The following ARAF variants were observed in gnomAD, a reference collection of about 807,000 sequenced individuals.
The protein encoded by ARAF is serine/threonine-protein kinase A-Raf.
Under a neutral mutation model 48.0 loss-of-function variants are expected in ARAF, and 18 were observed. That is an observed-to-expected ratio of 0.37 (90% confidence interval 0.26 to 0.56). ARAF has a LOEUF of 0.56. Among genes scored for constraint, ARAF ranks in the 20% least tolerant of loss-of-function variants. ARAF has a pLI of 0.77. For synonymous variants in ARAF, 207 were observed against 220.1 expected (o/e 0.94, Z 0.53); for missense variants, 389 against 543.1 (o/e 0.72, Z 2.82).
chrX:47,567,987 A>T (rs1422947168), intron 10 of ARAF, among the ~76,000 whole-genome samples: 1 of 111,706 alleles, frequency 9.0e-6, no homozygotes, highest in Non-Finnish European at 1.9e-5. Flanking sequence ...ACTATGTAGC[A>T]TAGTACTGTA....
rs779537585 is a variant in ARAF, at chrX:47,563,190, G to A, written c.97-36G>A. On this transcript the variant is annotated intron_variant, in intron 2 of 15. Transcript: ENST00000377045. The stretch of plus-strand genomic sequence containing the variant: ...GGGAACATCAGCTGCGCTTCTGTTG[G>A]GCATTGAGGACCCCTACATCTGCAC... 1.8e-5 allele frequency: 21 copies of A among 1,174,200 alleles called. No individual in the cohort carries two copies. The Admixed American group carries it at 3.4e-4, about 19-fold the overall frequency.
At position 47,568,705 on chromosome X, in the gene ARAF, T is replaced by A; in HGVS notation, c.1077-13T>A. 5 of 1,208,252 alleles carry A rather than the reference T, an allele frequency of 4.1e-6. No individual in the cohort carries two copies. Among genetic ancestry groups the A allele is most frequent in the Non-Finnish European group, 5.6e-6 (5 of 892,669 alleles). Reference sequence around the variant, plus strand: ...TTCCTCCCCACCTCTGACACTGCCCTCCCTGCCTGCAGGAAGACGCGACAT... The same window carrying A: ...TTCCTCCCCACCTCTGACACTGCCCACCCTGCCTGCAGGAAGACGCGACAT... On this transcript the variant is annotated splice_polypyrimidine_tract_variant and intron_variant, in intron 10 of 15. Transcript: ENST00000377045.
At chrX:47,564,773 C>T (rs1237103482) in intron 3 of ARAF, 24 bp from the exon 4 acceptor site, 3 of 1,160,666 alleles carry the variant, frequency 2.6e-6, no homozygotes, top group Non-Finnish European at 3.5e-6. Context: ...ACCTCCCACT[C>T]ATTCCTTTCC....
chrX:47,564,916 C>T lies in ARAF; in HGVS notation c.303+17C>T, dbSNP rs370026622. 1.5e-5 allele frequency: 18 copies of T among 1,208,229 alleles called. No homozygotes were observed. The highest frequency in any genetic ancestry group is 7.0e-5 in the South Asian group (4 of 56,791). On this transcript the variant is annotated intron_variant, in intron 4 of 15. Transcript: ENST00000377045. ...CACAATTTTGTGAGTGCAGGGTGGA[C>T]GGTGGGGGTGGACCATGGTTGGGGG...
Position 47,569,563 on chromosome X carries a change from C to T in ARAF, c.1325C>T (p.Thr442Met). The T allele has an allele frequency of 8.3e-7, 1 of 1,207,150 alleles. No homozygotes were observed. Among genetic ancestry groups the T allele is most frequent in the East Asian group, 3.0e-5 (1 of 33,709 alleles). Residue 442 changes from threonine to methionine, a missense_variant, in exon 13 of 16, where the codon ACG becomes ATG. Physicochemically the swap from Thr to Met is moderately conservative, Grantham distance 81. Coordinates refer to ENST00000377045, the MANE Select transcript of ARAF (RefSeq NM_001654.5). ...GACATCTTCCTACATGAGGGGCTCA[C>T]GGTGAAGATCGGTGACTTTGGCTTG... ...SNNIFLHEGLTVKIGDFGLAT... is the reference protein window; with the variant it reads ...SNNIFLHEGLMVKIGDFGLAT...
Position 47,567,445 on chromosome X carries a change from G to T in ARAF, c.1076+13G>T, listed in dbSNP as rs372151497. 8.4e-7 allele frequency: 1 copy of T among 1,193,650 alleles called. No homozygotes were observed. Among genetic ancestry groups the T allele is most frequent in the Admixed American group, 2.3e-5 (1 of 43,626 alleles). On this transcript the variant is annotated intron_variant, in intron 10 of 15. Transcript: ENST00000377045. ...TGCAGGTGCTCAGGTGAGGTGGCAT[G>T]TGTGCGTGGATGGGGGTGGCAGGCC...
intron 2 of ARAF, 61 bp from the exon 3 acceptor site, chrX:47,563,165 G>A: frequency 2.6e-6 from 3 of 1,157,647 alleles, no homozygotes; most frequent in Non-Finnish European, 3.5e-6. Flanking sequence ...GCAGAAGGAT[G>A]GGAACATCAG....
At chrX:47,569,065 G>A in intron 12 of ARAF, 32 bp downstream of exon 12, 1 of 1,179,713 alleles carries the variant, frequency 8.5e-7, no homozygotes, top group Non-Finnish European at 1.1e-6. Context: ...GGGGTTGAGT[G>A]GGGGTGTCAA....
chrX:47,562,773 T>G, intron 1 of ARAF, 136 bp from the exon 2 acceptor site: 1 of 408,334 alleles, frequency 2.4e-6, no homozygotes, highest in Non-Finnish European at 4.3e-6. Context: ...GTGAGCAGGA[T>G]CTCTTGGACT....
chrX:47,561,493 T>A (rs974251922), intron 1 of ARAF, among the ~76,000 whole-genome samples: 2 of 112,023 alleles, frequency 1.8e-5, no homozygotes, highest in South Asian at 7.5e-4. Context: ...GTGGTGCGCC[T>A]GCGCAGAGCC....
At chrX:47,562,778 T>C in intron 1 of ARAF, 131 bp from the exon 2 acceptor site, 1 of 420,199 alleles carries the variant, frequency 2.4e-6, no homozygotes, top group East Asian at 3.9e-5. Flanking sequence ...CAGGATCTCT[T>C]GGACTGTCGT....
rs1247568531 is a variant in ARAF at position 47,565,540 on chromosome X, T to C, written c.557+190T>C. The C allele has an allele frequency of 6.1e-6, 4 of 652,820 alleles. No homozygotes were observed. In the African/African-American group the frequency reaches 9.0e-5, roughly 15 times the overall value. The allele number at this position is 652,820 out of a possible 1,213,427, so 53.8% of individuals were successfully genotyped here. On this transcript the variant is annotated intron_variant, in intron 6 of 15. Coordinates refer to ENST00000377045, the MANE Select transcript of ARAF (RefSeq NM_001654.5). ...TTCTCTGGGCCTCAGTTTTCTCATC[T>C]GTAAAGAGGGGATGATGATACTTTC...
intron 1 of ARAF, among the ~76,000 whole-genome samples, chrX:47,561,462 T>C (rs1358314329): frequency 8.9e-6 from 1 of 111,732 alleles, no homozygotes; most frequent in Non-Finnish European, 1.9e-5. Context: ...CTGCGGGTGA[T>C]GGTTTCGCCC....
intron 14 of ARAF, 184 bp downstream of exon 14, chrX:47,570,208 C>T: frequency 1.0e-5 from 5 of 489,595 alleles, no homozygotes; most frequent in Non-Finnish European, 9.7e-6. Context: ...CTGGGTCTCC[C>T]CTACCCCAAC....
rs749214520 is a variant in ARAF, at chrX:47,571,277, G to GC, written c.1687-43dup. The GC allele has an allele frequency of 3.4e-6, 4 of 1,176,261 alleles. No individual in the cohort carries two copies. In the Admixed American group the frequency reaches 9.2e-5, roughly 27 times the overall value. On this transcript the variant is annotated intron_variant, in intron 15 of 15. Transcript: ENST00000377045. ...GCCATGAGGCTGGGGCTGTTGGGAT[G>GC]CCCACAGGGCTCTGGACACCCCTCC... is the stretch of plus-strand genomic sequence containing the variant.
chrX:47,568,850 G>A lies in ARAF; in HGVS notation c.1209G>A (p.Met403Ile), dbSNP rs760360817. The A allele has an allele frequency of 3.3e-6, 4 of 1,208,835 alleles. No homozygotes were observed. Among genetic ancestry groups the A allele is most frequent in the Admixed American group, 2.2e-5 (1 of 45,755 alleles). The change falls in exon 11 of 16, where the codon ATG becomes ATA. Residue 403 changes from methionine to isoleucine, a missense_variant. By Grantham distance (10) the Met-to-Ile change is conservative. Coordinates refer to ENST00000377045, the MANE Select transcript of ARAF (RefSeq NM_001654.5). The part of the protein sequence containing the change: ...HLHVADTRFD[M>I]VQLIDVARQT... ...ATGTGGCCGACACACGCTTCGACAT[G>A]GTCCAGCTCATCGACGTGGCCCGGC...
At chrX:47,569,863 G>T in intron 13 of ARAF, 30 bp from the exon 14 acceptor site, 3 of 1,199,779 alleles carry the variant, frequency 2.5e-6, no homozygotes, top group Non-Finnish European at 3.4e-6. Flanking sequence ...TGACCTCCGT[G>T]GTCCCCCTGC....
Position 47,569,561 on chromosome X carries a change from C to T in ARAF, c.1323C>T (p.Leu441=), listed in dbSNP as rs2057746680. 1 of 1,208,651 alleles carries T rather than the reference C, an allele frequency of 8.3e-7. No homozygotes were observed. The highest frequency in any genetic ancestry group is 1.1e-6 in the Non-Finnish European group (1 of 893,815). The change falls in exon 13 of 16, where the codon CTC becomes CTT. Residue 441 remains leucine (L), a synonymous_variant. Coordinates refer to ENST00000377045, the MANE Select transcript of ARAF (RefSeq NM_001654.5). ...CGGACATCTTCCTACATGAGGGGCT[C>T]ACGGTGAAGATCGGTGACTTTGGCT... is the stretch of plus-strand genomic sequence containing the variant. ...KSNNIFLHEG[L]TVKIGDFGLA...
In ARAF at chrX:47,564,888, A is replaced by G; in HGVS notation, c.292A>G (p.Met98Val). The G allele has an allele frequency of 8.3e-7, 1 of 1,211,498 alleles. No individual in the cohort carries two copies. The highest frequency in any genetic ancestry group is 1.1e-6 in the Non-Finnish European group (1 of 895,086). ...VEVLEDVPLT[M>V]HNFVRKTFFS... The stretch of plus-strand genomic sequence containing the variant: ...GGTCCTTGAAGATGTCCCGCTGACC[A>G]TGCACAATTTTGTGAGTGCAGGGTG... Residue 98 changes from methionine to valine, a missense_variant, in exon 4 of 16, where the codon ATG becomes GTG. By Grantham distance (21) the Met-to-Val change is conservative (BLOSUM62 1). Transcript: ENST00000377045.
Sources: allele counts gnomAD v4.1 joint callset (sites outside exome capture counted in the v4.1 genomes callset), GRCh38; gene constraint gnomAD v4.1.1; transcripts MANE v1.5; gene names NCBI Gene and HGNC (gene_info 2026-07-23, HGNC 2026-07-21).